CCDC85A: variants seen among roughly 807,000 people sequenced by gnomAD.
CCDC85A encodes the protein coiled-coil domain containing 85A.
In CCDC85A, 38 loss-of-function variants were observed where a neutral mutation model predicts 50.2. The ratio of observed to expected loss-of-function variants is 0.76; its 90% CI spans 0.58 to 0.99. The LOEUF (loss-of-function observed/expected upper bound fraction) is 0.99, where lower values mean the gene tolerates loss of function less well. Ranked by LOEUF, CCDC85A falls within the 50% of genes least tolerant of loss-of-function variation. The pLI, the probability that CCDC85A is intolerant of heterozygous loss-of-function variation, is 0.00. For missense variants in CCDC85A, 820 were observed against 742.0 expected (o/e 1.11, Z -1.22); for synonymous variants, 366 against 301.4 (o/e 1.21, Z -2.22).
intron 2 of CCDC85A, among the ~76,000 whole-genome samples, chr2:56,298,567 C>A (rs1229163462): frequency 6.6e-6 from 1 of 152,134 alleles, no homozygotes; most frequent in Non-Finnish European, 1.5e-5. Context: ...TGGTATCATG[C>A]ATTTCCTGAG....
chr2:56,222,973 T>C (rs1432007385), intron 2 of CCDC85A, among the ~76,000 whole-genome samples: 1 of 152,132 alleles, frequency 6.6e-6, no homozygotes, highest in Admixed American at 6.5e-5. Context: ...TAGTTTTACC[T>C]ATCTTGATTT....
chr2:56,278,464 C>A (rs1326641713), intron 2 of CCDC85A, among the ~76,000 whole-genome samples: 1 of 152,208 alleles, frequency 6.6e-6, no homozygotes, highest in African/African-American at 2.4e-5. Flanking sequence ...TCTTTTCCAG[C>A]TGAATACTTC....
chr2:56,230,894 G>T (rs1045995198), intron 2 of CCDC85A, among the ~76,000 whole-genome samples: 2 of 152,136 alleles, frequency 1.3e-5, no homozygotes, highest in African/African-American at 2.4e-5. Context: ...ATTATTTCAG[G>T]TTCAGAGTCT....
At chr2:56,288,725 A>T (rs1671562333) in intron 2 of CCDC85A, among the ~76,000 whole-genome samples, 1 of 152,132 alleles carries the variant, frequency 6.6e-6, no homozygotes, top group African/African-American at 2.4e-5. Context: ...TTAAAGTTAA[A>T]TCAATATTTT....
intron 2 of CCDC85A, among the ~76,000 whole-genome samples, chr2:56,212,189 A>G (rs1229965222): frequency 6.6e-6 from 1 of 152,012 alleles, no homozygotes; most frequent in Non-Finnish European, 1.5e-5. Flanking sequence ...CGTCATTTTC[A>G]TTGTGTGGTA....
At chr2:56,284,113 A>G (rs1671323457) in intron 2 of CCDC85A, among the ~76,000 whole-genome samples, 1 of 151,644 alleles carries the variant, frequency 6.6e-6, no homozygotes, top group Non-Finnish European at 1.5e-5. Flanking sequence ...TTTTTCTTTG[A>G]TAAATAGGTT....
At chr2:56,337,638 T>C (rs1674140072) in intron 2 of CCDC85A, among the ~76,000 whole-genome samples, 1 of 152,212 alleles carries the variant, frequency 6.6e-6, no homozygotes, top group Non-Finnish European at 1.5e-5. Context: ...AGCTTCAGTT[T>C]CTCCTTCGTA....
At chr2:56,363,187 TTG>T (rs1191661880) in intron 3 of CCDC85A, among the ~76,000 whole-genome samples, 5 of 152,172 alleles carry the variant, frequency 3.3e-5, no homozygotes, top group Admixed American at 6.5e-5. Flanking sequence ...TAAGAGCTGT[TTG>T]TGACAATAAG....
intron 3 of CCDC85A, among the ~76,000 whole-genome samples, chr2:56,350,174 T>A (rs1435789744): frequency 7.8e-5 from 4 of 51,604 alleles, no homozygotes; most frequent in Non-Finnish European, 1.2e-4. Context: ...CTTCTCTTAT[T>A]TTTTTTTTTT....
chr2:56,213,950 C>T (rs1211692369), intron 2 of CCDC85A, among the ~76,000 whole-genome samples: 2 of 151,754 alleles, frequency 1.3e-5, no homozygotes, highest in African/African-American at 2.4e-5. Context: ...GTCAACAGCA[C>T]GATATGACAG....
rs1676778533 is a variant in CCDC85A, at chr2:56,385,400, GGT to G, written c.*1049_*1050del. 1 of 152,146 alleles carries G rather than the reference GGT, an allele frequency of 6.6e-6. No individual in the cohort carries two copies. Among genetic ancestry groups the G allele is most frequent in the Admixed American group, 6.6e-5 (1 of 15,178 alleles). The allele number at this position is 152,146 out of a possible 1,614,324, so 9.4% of individuals were successfully genotyped here. On this transcript the variant is annotated 3_prime_UTR_variant, in exon 6 of 6. Transcript: ENST00000407595. Reference sequence around the variant, plus strand: ...CAGATTGCTTGAGGTTTGAAAAAGAGGTGTGCTAGCTTTGCTTAGTTTATTTC... The same window carrying G: ...CAGATTGCTTGAGGTTTGAAAAAGAGGTGCTAGCTTTGCTTAGTTTATTTC...
intron 2 of CCDC85A, among the ~76,000 whole-genome samples, chr2:56,219,495 C>T (rs1415242920): frequency 6.6e-6 from 1 of 151,678 alleles, no homozygotes; most frequent in African/African-American, 2.4e-5. Flanking sequence ...GCTGCAATGA[C>T]AAACTGCTTG....
intron 3 of CCDC85A, among the ~76,000 whole-genome samples, chr2:56,355,741 AT>A (rs1217962524): frequency 6.6e-6 from 1 of 152,222 alleles, no homozygotes; most frequent in Non-Finnish European, 1.5e-5. Context: ...GGATTGAGAA[AT>A]GTACGGATTA....
chr2:56,364,364 G>T (rs1254107355), intron 3 of CCDC85A, among the ~76,000 whole-genome samples: 1 of 151,996 alleles, frequency 6.6e-6, no homozygotes, highest in Non-Finnish European at 1.5e-5. Context: ...TTCTGTATCT[G>T]TAAGTTTCAC....
At chr2:56,309,952 T>C (rs1672614774) in intron 2 of CCDC85A, among the ~76,000 whole-genome samples, 1 of 152,196 alleles carries the variant, frequency 6.6e-6, no homozygotes, top group African/African-American at 2.4e-5. Context: ...TTATTTTTCC[T>C]TGTCCTTCAG....
intron 4 of CCDC85A, among the ~76,000 whole-genome samples, chr2:56,374,110 C>G (rs1263484098): frequency 1.3e-5 from 2 of 152,138 alleles, no homozygotes; most frequent in Non-Finnish European, 2.9e-5. Context: ...TGGGTCTGTT[C>G]TAATTGACAA....
rs147384622 is a variant in CCDC85A at position 56,379,691 on chromosome 2, A to G, written c.1572+3756A>G. 181 of 516,458 alleles carry G rather than the reference A, an allele frequency of 3.5e-4. 2 individuals carry two copies. The highest frequency in any genetic ancestry group is 3.5e-3 in the African/African-American group (169 of 48,240). The allele number at this position is 516,458 out of a possible 1,614,324, so 32.0% of individuals were successfully genotyped here. A position where few individuals can be genotyped will look rare whatever the true frequency, so the allele number is the denominator to read the frequency against. ...CAAAGTGGAGCTCCTTGATGGTTTT[A>G]TCATAACTAACAAGCTTTTTTCCAT... On this transcript the variant is annotated intron_variant, in intron 5 of 5. Coordinates refer to ENST00000407595, the MANE Select transcript of CCDC85A (RefSeq NM_001080433.2).
intron 2 of CCDC85A, among the ~76,000 whole-genome samples, chr2:56,212,523 A>G (rs1677221650): frequency 6.6e-6 from 1 of 152,098 alleles, no homozygotes; most frequent in South Asian, 2.1e-4. Context: ...TCCACACTGA[A>G]AGAGAAAACA....
intron 5 of CCDC85A, among the ~76,000 whole-genome samples, chr2:56,383,336 A>G (rs1449271558): frequency 1.3e-5 from 2 of 152,002 alleles, no homozygotes; most frequent in African/African-American, 4.8e-5. Context: ...CAATCAATCA[A>G]TCTGATCATA....
Sources: gnomAD v4.1 joint callset for allele counts (sites outside exome capture counted in the v4.1 genomes callset) on GRCh38, gnomAD v4.1.1 for gene constraint, MANE v1.5 for transcripts, NCBI Gene and HGNC (gene_info 2026-07-23, HGNC 2026-07-21) for gene names.